The following RABGGTB variants were observed in gnomAD, a reference collection of about 807,000 sequenced individuals.
RABGGTB encodes Rab geranylgeranyltransferase subunit beta, also known as geranylgeranyl transferase type-2 subunit beta.
Under a neutral mutation model 44.5 loss-of-function variants are expected in RABGGTB, and 20 were observed. The observed-to-expected ratio is 0.45, with a 90% CI of 0.32 to 0.65. The LOEUF is 0.65. Ranked by LOEUF, RABGGTB falls within the 30% of genes least tolerant of loss-of-function variation. RABGGTB has a pLI of 0.05. For synonymous variants in RABGGTB, 128 were observed against 136.7 expected (o/e 0.94, Z 0.44); for missense variants, 302 against 398.7 (o/e 0.76, Z 2.06).
At chr1:75,790,538 G>A (rs1649621232) in intron 4 of RABGGTB, 2 of 945,320 alleles carry the variant, frequency 2.1e-6, no homozygotes, top group Non-Finnish European at 2.5e-6. Context: ...TTCATTATTA[G>A]AAATGGACTA....
chr1:75,787,834 G>T (rs1649537708), intron 2 of RABGGTB: 1 of 700,992 alleles, frequency 1.4e-6, no homozygotes. Context: ...AAGTAGATGA[G>T]GGTTTGAGGT....
intron 6 of RABGGTB, 137 bp downstream of exon 6, chr1:75,791,708 T>TG (rs1220787727): frequency 7.0e-6 from 5 of 709,592 alleles, no homozygotes; most frequent in Non-Finnish European, 1.2e-5. Context: ...ACATAAGAAT[T>TG]GCTTAATTGC....
At position 75,794,663 on chromosome 1, in the gene RABGGTB, G is replaced by C. The variant is rs755779094; in HGVS notation, c.*13G>C. Reference sequence around the variant, plus strand: ...GCTAGTGAGCTAGATTCATTGAATTGAAAGTTGCATAGTATAGTTTTGCCA... The same window carrying C: ...GCTAGTGAGCTAGATTCATTGAATTCAAAGTTGCATAGTATAGTTTTGCCA... On this transcript the variant is annotated 3_prime_UTR_variant, in exon 9 of 9. Coordinates refer to ENST00000319942, the MANE Select transcript of RABGGTB (RefSeq NM_004582.4). 1.9e-6 allele frequency: 3 copies of C among 1,581,862 alleles called. No homozygotes were observed. The highest frequency in any genetic ancestry group is 2.6e-6 in the Non-Finnish European group (3 of 1,162,808).
In RABGGTB at chr1:75,791,334, G is replaced by C; in HGVS notation, c.465G>C (p.Leu155Phe). ...FSFCAVATLA[L>F]LGKLDAINVE... The stretch of plus-strand genomic sequence containing the variant: ...TTTGTGCGGTGGCAACTTTGGCTTT[G>C]TTGGTAAGCTTTGAATATTTGATTG... The change falls in exon 5 of 9, where the codon TTG (leucine) becomes TTC (phenylalanine). Residue 155 changes from leucine (L) to phenylalanine (F), a missense_variant. Transcript: ENST00000319942. 6.2e-7 allele frequency: 1 copy of C among 1,608,706 alleles called. No individual in the cohort carries two copies. Among genetic ancestry groups the C allele is most frequent in the Non-Finnish European group, 8.5e-7 (1 of 1,175,918 alleles).
At position 75,789,221 on chromosome 1, in the gene RABGGTB, T is replaced by C; in HGVS notation, c.174T>C (p.Asp58=). ...SGIYWGLTVM[D]LMGQLHRMNR... is the part of the protein sequence containing the mutation. ...TCTATTGGGGTCTGACAGTAATGGA[T>C]CTCATGGGACAACTTCATCGCATGA... The change falls in exon 3 of 9, where the codon GAT becomes GAC. Residue 58 remains aspartate, a synonymous_variant. Transcript: ENST00000319942. The C allele has an allele frequency of 1.2e-6, 2 of 1,614,074 alleles. No homozygotes were observed.
chr1:75,786,238 G>T (rs1274939090), upstream of RABGGTB: 1 of 1,613,800 alleles, frequency 6.2e-7, no homozygotes, highest in Non-Finnish European at 8.5e-7. Flanking sequence ...GTCTACCCAG[G>T]AACTGACCCT....
At chr1:75,793,844 T>C (rs1649706313) in intron 7 of RABGGTB, 2 of 405,594 alleles carry the variant, frequency 4.9e-6, no homozygotes, top group East Asian at 3.8e-5. Context: ...CTGAGATATT[T>C]AGCATGGTTA....
rs201456568 is a variant in RABGGTB at position 75,792,279 on chromosome 1, A to G, written c.678A>G (p.Ser226=). ...GWWLCERQLP[S]GGLNGRPEKL... ...GGCTTTGTGAACGACAATTACCCTC[A>G]GGCGGGCTCAATGGAAGGCCGGAGA... Residue 226 remains serine, a synonymous_variant, in exon 7 of 9, where the codon TCA becomes TCG. Transcript: ENST00000319942. 7.2e-5 allele frequency: 117 copies of G among 1,613,898 alleles called. No homozygotes were observed. The highest frequency in any genetic ancestry group is 6.8e-6 in the Non-Finnish European group (8 of 1,179,938).
chr1:75,786,350 A>G, intron 1 of RABGGTB, 76 bp downstream of exon 1: 3 of 1,578,496 alleles, frequency 1.9e-6, no homozygotes, highest in East Asian at 2.2e-5. Flanking sequence ...CACACTGGTC[A>G]CCTTAGGATT....
At chr1:75,789,540 T>G (rs1445097472) in intron 3 of RABGGTB, 184 bp downstream of exon 3, 1 of 790,766 alleles carries the variant, frequency 1.3e-6, no homozygotes, top group Non-Finnish European at 2.3e-6. Context: ...AAAATTACAC[T>G]GAGACCTTGG....
chr1:75,789,056 G>T lies in RABGGTB; in HGVS notation c.112-103G>T. Reference sequence around the variant, plus strand: ...GATCAGTGCTGTTAAGGTCAGGAGAGGTAAAAATAGCAGCATGGCTAATGA... The same window carrying T: ...GATCAGTGCTGTTAAGGTCAGGAGATGTAAAAATAGCAGCATGGCTAATGA... On this transcript the variant is annotated intron_variant, in intron 2 of 8. Coordinates refer to ENST00000319942, the MANE Select transcript of RABGGTB (RefSeq NM_004582.4). 3 of 1,042,430 alleles carry T rather than the reference G, an allele frequency of 2.9e-6. No individual in the cohort carries two copies. In the East Asian group the frequency reaches 7.4e-5, roughly 26 times the overall value. 64.6% of individuals were successfully genotyped at this position (1,042,430 alleles called of 1,614,324 possible). A position where few individuals can be genotyped will look rare whatever the true frequency, so the allele number is the denominator to read the frequency against.
rs1393579098 is a variant in RABGGTB at position 75,791,578 on chromosome 1, TATGA to T, written c.579+10_579+13del. On this transcript the variant is annotated splice_region_variant and intron_variant, in intron 6 of 8. Coordinates refer to ENST00000319942, the MANE Select transcript of RABGGTB (RefSeq NM_004582.4). Reference sequence around the variant, plus strand: ...TGAATCCCATGCTGGGCAGGTAATTTATGAATACAGATGAAAATGTATTGTCATT... The same window carrying T: ...TGAATCCCATGCTGGGCAGGTAATTTATACAGATGAAAATGTATTGTCATT... 1.3e-6 allele frequency: 2 copies of T among 1,590,752 alleles called. No individual in the cohort carries two copies. The highest frequency in any genetic ancestry group is 3.5e-5 in the Admixed American group (2 of 57,632).
intron 7 of RABGGTB, 100 bp from the exon 8 acceptor site, chr1:75,793,984 A>G: frequency 3.0e-6 from 3 of 1,007,520 alleles, no homozygotes; most frequent in South Asian, 2.0e-5. Flanking sequence ...CACTTTGAAC[A>G]TCAGATTACC....
Position 75,786,397 on chromosome 1 carries a change from C to T in RABGGTB, c.3+123C>T, listed in dbSNP as rs796939327. ...GCTGGAGAATGGTTAGGACACAGGC[C>T]TTGGAAGGTTTTTTGAGTGTGAAAT... On this transcript the variant is annotated intron_variant, in intron 1 of 8. Transcript: ENST00000319942. The T allele has an allele frequency of 3.2e-5, 45 of 1,385,708 alleles. No homozygotes were observed. In the African/African-American group the frequency reaches 6.2e-4, roughly 19 times the overall value. 85.8% of individuals were successfully genotyped at this position (1,385,708 alleles called of 1,614,324 possible). A position where few individuals can be genotyped will look rare whatever the true frequency, so the allele number is the denominator to read the frequency against.
intron 7 of RABGGTB, 63 bp downstream of exon 7, chr1:75,792,369 C>T: frequency 1.3e-6 from 2 of 1,581,846 alleles, no homozygotes; most frequent in Non-Finnish European, 1.7e-6. Flanking sequence ...GCTGCTTTGT[C>T]TTGCCTGTTT....
At position 75,791,618 on chromosome 1, in the gene RABGGTB, G is replaced by C. The variant is rs774137399; in HGVS notation, c.579+47G>C. On this transcript the variant is annotated intron_variant, in intron 6 of 8. Transcript: ENST00000319942. Reference sequence around the variant, plus strand: ...AAATGTATTGTCATTTTGGAAGCCAGTGTAGTAAAATAAGAAAATTGGTTA... The same window carrying C: ...AAATGTATTGTCATTTTGGAAGCCACTGTAGTAAAATAAGAAAATTGGTTA... 6 of 1,493,672 alleles carry C rather than the reference G, an allele frequency of 4.0e-6. No homozygotes were observed. In the South Asian group the frequency reaches 4.8e-5, roughly 12 times the overall value. 92.5% of individuals were successfully genotyped at this position (1,493,672 alleles called of 1,614,324 possible).
Position 75,787,070 on chromosome 1 carries a change from T to G in RABGGTB, c.4-427T>G, listed in dbSNP as rs538428366. On this transcript the variant is annotated intron_variant, in intron 1 of 8. Coordinates refer to ENST00000319942, the MANE Select transcript of RABGGTB (RefSeq NM_004582.4). ...ACAAGAAATGCTGGTGGTAATTTTTTGGGTCAATGATGAGTTGGCATGTAT... is the reference window on the plus strand; with the variant it reads ...ACAAGAAATGCTGGTGGTAATTTTTGGGGTCAATGATGAGTTGGCATGTAT... The G allele has an allele frequency of 5.0e-5, 26 of 520,828 alleles. No individual in the cohort carries two copies. The East Asian group carries it at 1.4e-3, about 28-fold the overall frequency. 32.3% of individuals were successfully genotyped at this position (520,828 alleles called of 1,614,324 possible). A position where few individuals can be genotyped will look rare whatever the true frequency, so the allele number is the denominator to read the frequency against.
chr1:75,787,402 C>G (rs903165188), intron 1 of RABGGTB, 95 bp from the exon 2 acceptor site: 1 of 910,448 alleles, frequency 1.1e-6, no homozygotes, highest in Non-Finnish European at 1.7e-6. Flanking sequence ...AAGATGAAAT[C>G]AAGTGAAAAT....
Position 75,794,997 on chromosome 1 carries a change from C to T in RABGGTB, c.*347C>T, listed in dbSNP as rs1264677613. On this transcript the variant is annotated 3_prime_UTR_variant, in exon 9 of 9. Transcript: ENST00000319942. ...AGCAAGTTGATGTAAATTGGTTTGT[C>T]AACAAGAATGTTAACTGATGAAAGT... The T allele has an allele frequency of 4.4e-6, 1 of 229,570 alleles. No homozygotes were observed. Among genetic ancestry groups the T allele is most frequent in the African/African-American group, 2.3e-5 (1 of 42,644 alleles). The allele number at this position is 229,570 out of a possible 1,614,324, so 14.2% of individuals were successfully genotyped here.
Sources: allele counts gnomAD v4.1 joint callset, GRCh38; gene constraint gnomAD v4.1.1; transcripts MANE v1.5; gene names NCBI Gene and HGNC (gene_info 2026-07-23, HGNC 2026-07-21).